Variants in OR8D4 observed in about 807,000 individuals in gnomAD.
OR8D4 encodes the protein olfactory receptor family 8 subfamily D member 4.
For missense variants in OR8D4, 359 were observed against 372.6 expected, an observed-to-expected ratio of 0.96 and a Z score of 0.30; for synonymous variants, 141 against 134.8, an observed-to-expected ratio of 1.05 and a Z score of -0.32.
Position 123,906,742 on chromosome 11 carries a change from TC to T in OR8D4, c.312del (p.Cys105ValfsTer47). On this transcript the variant is annotated frameshift_variant, in exon 2 of 2. Transcript: ENST00000641687. LOFTEE classifies it low-confidence loss of function (END_TRUNC). ...GGATGCATGATTCAGCTGTTTTTTT[TC>T]TGTGTTTGTGTTATTTCTGAATGCT... ...YSGCMIQLFF[F>X]CVCVISECYM... 1 of 1,614,076 alleles carries T rather than the reference TC, an allele frequency of 6.2e-7. No individual in the cohort carries two copies. Among genetic ancestry groups the T allele is most frequent in the East Asian group, 2.2e-5 (1 of 44,872 alleles).
chr11:123,903,008 A>G (rs749176857), intron 1 of OR8D4, among the ~76,000 whole-genome samples: 1 of 150,398 alleles, frequency 6.6e-6, no homozygotes, highest in Non-Finnish European at 1.5e-5. Context: ...TGGGTTCCAC[A>G]TCTGTGGATT....
intron 1 of OR8D4, among the ~76,000 whole-genome samples, chr11:123,903,404 C>A (rs1863176673): frequency 6.6e-6 from 1 of 151,960 alleles, no homozygotes; most frequent in African/African-American, 2.4e-5. Context: ...TTTAAATTGC[C>A]CGTGTGTCTG....
chr11:123,907,137 A>C lies in OR8D4; in HGVS notation c.706A>C (p.Lys236Gln). The change falls in exon 2 of 2, where the codon AAA becomes CAA. Residue 236 changes from lysine to glutamine, a missense_variant. By Grantham distance (53) the Lys-to-Gln change is moderately conservative. Transcript: ENST00000641687. ...LRIHSKKGRC[K>Q]AFSTCSSHLT... ...CATCCACTCTAAAAAGGGCAGGTGC[A>C]AAGCGTTTAGCACCTGTAGCTCCCA... 6.2e-7 allele frequency: 1 copy of C among 1,613,614 alleles called. No homozygotes were observed. Among genetic ancestry groups the C allele is most frequent in the Non-Finnish European group, 8.5e-7 (1 of 1,179,574 alleles).
Position 123,907,362 on chromosome 11 carries a change from T to A in OR8D4, c.931T>A (p.Leu311Ile), listed in dbSNP as rs751933829. 1 of 1,276,652 alleles carries A rather than the reference T, an allele frequency of 7.8e-7. No homozygotes were observed. Among genetic ancestry groups the A allele is most frequent in the South Asian group, 1.3e-5 (1 of 74,408 alleles). The allele number at this position is 1,276,652 out of a possible 1,614,324, so 79.1% of individuals were successfully genotyped here. ...LMKLLRRKIS[L>I]SPG Reference sequence around the variant, plus strand: ...GAAACTTTTAAGAAGAAAAATATCTTTATCTCCAGGATAAATATGCTCTTT... The same window carrying A: ...GAAACTTTTAAGAAGAAAAATATCTATATCTCCAGGATAAATATGCTCTTT... Residue 311 changes from leucine (L) to isoleucine (I), a missense_variant, in exon 2 of 2, where the codon TTA becomes ATA. Coordinates refer to ENST00000641687, the MANE Select transcript of OR8D4 (RefSeq NM_001005197.2).
chr11:123,906,960 T>C lies in OR8D4; in HGVS notation c.529T>C (p.Tyr177His), dbSNP rs139457141. 1.2e-6 allele frequency: 2 copies of C among 1,613,982 alleles called. No homozygotes were observed. The highest frequency in any genetic ancestry group is 2.7e-5 in the African/African-American group (2 of 74,908). ...SFCGSNIIKH[Y>H]FCDIVPLIKL... ...CTGTGGATCAAACATCATTAAACAT[T>C]ATTTCTGTGACATTGTCCCTCTTAT... is the stretch of plus-strand genomic sequence containing the variant. Residue 177 changes from tyrosine to histidine, a missense_variant, in exon 2 of 2, where the codon TAT becomes CAT. By Grantham distance (83) the Tyr-to-His change is moderately conservative. Coordinates refer to ENST00000641687, the MANE Select transcript of OR8D4 (RefSeq NM_001005197.2).
Position 123,905,970 on chromosome 11 carries a change from A to C in OR8D4, c.-15-447A>C, listed in dbSNP as rs568161456. ...CAAACAGCATAAATATCATCCTATA[A>C]AATTTTCAGCAAGGCTTTGTATCTT... On this transcript the variant is annotated intron_variant, in intron 1 of 1. Coordinates refer to ENST00000641687, the MANE Select transcript of OR8D4 (RefSeq NM_001005197.2). Among the ~76,000 whole-genome samples the C allele has an allele frequency of 2.6e-5, 4 of 152,268 alleles. No homozygotes were observed. In the South Asian group the frequency reaches 8.3e-4, roughly 32 times the overall value.
intron 1 of OR8D4, chr11:123,906,151 A>G: frequency 3.1e-6 from 1 of 320,706 alleles, no homozygotes; most frequent in Non-Finnish European, 5.6e-6. Flanking sequence ...CCTGGTTTTA[A>G]GCATTAGTTT....
Position 123,903,353 on chromosome 11 carries a change from C to T in OR8D4, c.-16+1096C>T, listed in dbSNP as rs545613479. ...AACATACTAGTAAAATGTATTTTAT[C>T]TTTTTATTCTGACTTTTTACAAAAT... On this transcript the variant is annotated intron_variant, in intron 1 of 1. Coordinates refer to ENST00000641687, the MANE Select transcript of OR8D4 (RefSeq NM_001005197.2). Among the ~76,000 whole-genome samples, 20 of 152,100 alleles carry T rather than the reference C, an allele frequency of 1.3e-4. No homozygotes were observed. The East Asian group carries it at 3.7e-3, about 28-fold the overall frequency.
At position 123,906,698 on chromosome 11, in the gene OR8D4, TAG is replaced by T. The variant is rs774365577; in HGVS notation, c.269_270del (p.Arg90IlefsTer21). ...KMLSGFLCRD[R>X]SISYSGCMIQ... ...TGCTATCAGGGTTTTTATGCAGAGA[TAG>T]ATCCATCTCCTATTCTGGATGCATG... On this transcript the variant is annotated frameshift_variant, in exon 2 of 2. Coordinates refer to ENST00000641687, the MANE Select transcript of OR8D4 (RefSeq NM_001005197.2). LOFTEE classifies it low-confidence loss of function (END_TRUNC). The T allele has an allele frequency of 6.2e-7, 1 of 1,614,002 alleles. No individual in the cohort carries two copies. The highest frequency in any genetic ancestry group is 1.3e-5 in the African/African-American group (1 of 75,058).
chr11:123,906,429 A>G lies in OR8D4; in HGVS notation c.-3A>G, dbSNP rs984723313. ...CTCATCTCCACAGATTTCTCAGAGA[A>G]GAATGGGTGTAAAAAACCATTCCAC... On this transcript the variant is annotated 5_prime_UTR_variant, in exon 2 of 2. Transcript: ENST00000641687. 9.5e-6 allele frequency: 15 copies of G among 1,575,854 alleles called. No homozygotes were observed. Among genetic ancestry groups the G allele is most frequent in the Non-Finnish European group, 1.3e-5 (15 of 1,156,824 alleles).
At position 123,906,549 on chromosome 11, in the gene OR8D4, G is replaced by T. The variant is rs764401986; in HGVS notation, c.118G>T (p.Val40Leu). The T allele has an allele frequency of 1.9e-6, 3 of 1,613,720 alleles. No individual in the cohort carries two copies. Residue 40 changes from valine to leucine, a missense_variant, in exon 2 of 2, where the codon GTG (valine) becomes TTG (leucine). Val to Leu is a conservative substitution (Grantham distance 32). Transcript: ENST00000641687. ...CTTAGGAATTTACACAGTTACTGTGGTGGGAAACCTCAGCATGATCTCAAT... is the reference window on the plus strand; with the variant it reads ...CTTAGGAATTTACACAGTTACTGTGTTGGGAAACCTCAGCATGATCTCAAT... ...LFLGIYTVTV[V>L]GNLSMISIIR...
rs1863211949 is a variant in OR8D4 at position 123,907,225 on chromosome 11, G to C, written c.794G>C (p.Ser265Thr). The change falls in exon 2 of 2, where the codon AGC becomes ACC. Residue 265 changes from serine to threonine, a missense_variant. Transcript: ENST00000641687. ...LMSMYLKPAS[S>T]SSLTQEKVSS... ...TCCATGTATCTCAAACCTGCTTCTA[G>C]CAGTTCACTCACCCAGGAGAAAGTA... 3.7e-6 allele frequency: 6 copies of C among 1,613,590 alleles called. No individual in the cohort carries two copies. The African/African-American group carries it at 8.0e-5, about 22-fold the overall frequency.
chr11:123,905,822 C>T (rs1863194186), intron 1 of OR8D4, among the ~76,000 whole-genome samples: 1 of 152,128 alleles, frequency 6.6e-6, no homozygotes, highest in Non-Finnish European at 1.5e-5. Flanking sequence ...CTTCATGGCC[C>T]AGGACACACA....
intron 1 of OR8D4, among the ~76,000 whole-genome samples, chr11:123,904,176 C>T (rs752456717): frequency 7.9e-5 from 12 of 152,136 alleles, no homozygotes; most frequent in African/African-American, 1.2e-4. Context: ...ATAGACCACA[C>T]TGTGTAGTAC....
chr11:123,902,795 C>T (rs1387716390), intron 1 of OR8D4, among the ~76,000 whole-genome samples: 1 of 151,768 alleles, frequency 6.6e-6, no homozygotes, highest in Non-Finnish European at 1.5e-5. Flanking sequence ...ACATTCTAGA[C>T]TTCTGTTGTC....
chr11:123,907,184 T>G lies in OR8D4; in HGVS notation c.753T>G (p.Phe251Leu), dbSNP rs1383975443. The change falls in exon 2 of 2, where the codon TTT becomes TTG. Residue 251 changes from phenylalanine to leucine, a missense_variant. Physicochemically the swap from Phe to Leu is conservative, Grantham distance 22. Transcript: ENST00000641687. Reference protein sequence around the residue: ...CSSHLTAVLMFYGSLMSMYLK... With the variant: ...CSSHLTAVLMLYGSLMSMYLK... ...CCCACCTGACAGCTGTTCTTATGTT[T>G]TATGGGTCTCTGATGTCCATGTATC... The G allele has an allele frequency of 6.2e-7, 1 of 1,613,840 alleles. No individual in the cohort carries two copies. Among genetic ancestry groups the G allele is most frequent in the Non-Finnish European group, 8.5e-7 (1 of 1,179,846 alleles).
At position 123,907,515 on chromosome 11, in the gene OR8D4, G is replaced by GT; in HGVS notation, c.*141dup. 2.1e-6 allele frequency: 1 copy of GT among 465,556 alleles called. No homozygotes were observed. Among genetic ancestry groups the GT allele is most frequent in the South Asian group, 4.1e-5 (1 of 24,300 alleles). 28.8% of individuals were successfully genotyped at this position (465,556 alleles called of 1,614,324 possible). ...TAATCCCAGCACTTTGGGAGGCCGAGTTGGGTGGATCACGAGGTCCGGTGT... is the reference window on the plus strand; with the variant it reads ...TAATCCCAGCACTTTGGGAGGCCGAGTTTGGGTGGATCACGAGGTCCGGTGT... On this transcript the variant is annotated 3_prime_UTR_variant, in exon 2 of 2. Transcript: ENST00000641687.
In OR8D4 at chr11:123,906,655, C is replaced by T. The variant is rs1400072412; in HGVS notation, c.224C>T (p.Ser75Phe). 1.4e-5 allele frequency: 22 copies of T among 1,612,968 alleles called. No individual in the cohort carries two copies. Among genetic ancestry groups the T allele is most frequent in the Non-Finnish European group, 1.9e-5 (22 of 1,179,050 alleles). Reference protein sequence around the residue: ...SLSFLDFCYSSVITPKMLSGF... With the variant: ...SLSFLDFCYSFVITPKMLSGF... ...TCTTTTTTAGATTTCTGCTATTCTT[C>T]TGTCATTACCCCTAAAATGCTATCA... is the stretch of plus-strand genomic sequence containing the variant. Residue 75 changes from serine to phenylalanine, a missense_variant, in exon 2 of 2, where the codon TCT becomes TTT. Ser to Phe is a radical substitution (Grantham distance 155). Coordinates refer to ENST00000641687, the MANE Select transcript of OR8D4 (RefSeq NM_001005197.2).
In OR8D4 at chr11:123,907,050, AT is replaced by A; in HGVS notation, c.620del (p.Met207ArgfsTer6). ...LLIFVIGGFN[M>X]VATSLTIIIS... ...GATTTTTGTCATTGGTGGATTTAAC[AT>A]GGTGGCCACAAGCCTAACAATCATT... On this transcript the variant is annotated frameshift_variant, in exon 2 of 2. Coordinates refer to ENST00000641687, the MANE Select transcript of OR8D4 (RefSeq NM_001005197.2). LOFTEE classifies it low-confidence loss of function (END_TRUNC). 6.2e-7 allele frequency: 1 copy of A among 1,614,074 alleles called. No homozygotes were observed. The highest frequency in any genetic ancestry group is 8.5e-7 in the Non-Finnish European group (1 of 1,179,956).
Sources: allele counts gnomAD v4.1 joint callset (sites outside exome capture counted in the v4.1 genomes callset), GRCh38; gene constraint gnomAD v4.1.1; transcripts MANE v1.5; gene names NCBI Gene and HGNC (gene_info 2026-07-23, HGNC 2026-07-21).